SLC39A11: variants seen among roughly 807,000 people sequenced by gnomAD.
SLC39A11 encodes the protein zinc transporter ZIP11.
Under a neutral mutation model 36.1 loss-of-function variants are expected in SLC39A11, and 33 were observed. That is an observed-to-expected ratio of 0.91 (90% CI 0.69 to 1.22). The LOEUF (loss-of-function observed/expected upper bound fraction) is 1.22, where lower values mean the gene tolerates loss of function less well. Among genes scored for constraint, SLC39A11 ranks in the 50% most tolerant of loss-of-function variants. The pLI, the probability that SLC39A11 is intolerant of heterozygous loss-of-function variation, is 0.00. For synonymous variants in SLC39A11, 166 were observed against 170.3 expected, an observed-to-expected ratio of 0.97 and a Z score of 0.20; for missense variants, 432 against 430.3, an observed-to-expected ratio of 1.00 and a Z score of -0.03.
chr17:72,985,102 C>T (rs1302613742), intron 4 of SLC39A11, among the ~76,000 whole-genome samples: 3 of 152,212 alleles, frequency 2.0e-5, no homozygotes, highest in Non-Finnish European at 4.4e-5. Context: ...GCCACACCTC[C>T]CTAGGAATGT....
At chr17:72,852,423 T>C (rs1176353737) in intron 5 of SLC39A11, among the ~76,000 whole-genome samples, 1 of 152,200 alleles carries the variant, frequency 6.6e-6, no homozygotes, top group African/African-American at 2.4e-5. Context: ...AGGATGCCAG[T>C]CCTCCACTGG....
chr17:72,796,230 A>C (rs1382629230), intron 6 of SLC39A11, among the ~76,000 whole-genome samples: 1 of 152,128 alleles, frequency 6.6e-6, no homozygotes, highest in African/African-American at 2.4e-5. Flanking sequence ...CACACGAGAC[A>C]GAAGAGCCGG....
intron 4 of SLC39A11, among the ~76,000 whole-genome samples, chr17:72,962,167 A>G (rs1436651631): frequency 6.6e-6 from 1 of 152,156 alleles, no homozygotes; most frequent in Non-Finnish European, 1.5e-5. Context: ...TTCTAAGCCT[A>G]AATTCCAAAG....
intron 7 of SLC39A11, among the ~76,000 whole-genome samples, chr17:72,726,246 AG>A (rs1363629726): frequency 6.6e-6 from 1 of 152,174 alleles, no homozygotes; most frequent in Non-Finnish European, 1.5e-5. Flanking sequence ...GCTTGTTCAA[AG>A]ATGTTAGAGT....
At chr17:73,040,559 TG>T (rs1223141756) in intron 3 of SLC39A11, among the ~76,000 whole-genome samples, 1 of 152,226 alleles carries the variant, frequency 6.6e-6, no homozygotes, top group African/African-American at 2.4e-5. Context: ...AAATGTGTCA[TG>T]ATTATTTATG....
chr17:73,021,816 G>C (rs1218653216), intron 4 of SLC39A11, among the ~76,000 whole-genome samples: 2 of 152,196 alleles, frequency 1.3e-5, no homozygotes, highest in Admixed American at 1.3e-4. Context: ...CCACGGAGAA[G>C]GAAATCTAAG....
chr17:72,686,694 A>G (rs2071767873), intron 7 of SLC39A11, among the ~76,000 whole-genome samples: 1 of 152,240 alleles, frequency 6.6e-6, no homozygotes, highest in Non-Finnish European at 1.5e-5. Flanking sequence ...TGTGCTCCAC[A>G]GGCAGGAATC....
intron 5 of SLC39A11, among the ~76,000 whole-genome samples, chr17:72,926,095 G>A (rs970215200): frequency 4.6e-5 from 7 of 152,164 alleles, no homozygotes; most frequent in African/African-American, 1.7e-4. Flanking sequence ...CATCTTTCCT[G>A]GGAAGGAGAC....
At chr17:72,988,865 C>T (rs1006460987) in intron 4 of SLC39A11, among the ~76,000 whole-genome samples, 9 of 152,190 alleles carry the variant, frequency 5.9e-5, no homozygotes, top group African/African-American at 1.9e-4. Context: ...TGAGCCACCA[C>T]GCCCAGCTAA....
At chr17:72,729,694 A>G (rs936835172) in intron 7 of SLC39A11, among the ~76,000 whole-genome samples, 1 of 150,776 alleles carries the variant, frequency 6.6e-6, no homozygotes, top group African/African-American at 2.4e-5. Context: ...CTTGGCACCT[A>G]CCTTGGCATT....
At chr17:72,724,945 C>T (rs1471856395) in intron 7 of SLC39A11, among the ~76,000 whole-genome samples, 1 of 152,152 alleles carries the variant, frequency 6.6e-6, no homozygotes, top group African/African-American at 2.4e-5. Context: ...AAGATGAATC[C>T]TGTGCTCAGT....
At chr17:72,758,928 A>G (rs2144501687) in intron 6 of SLC39A11, among the ~76,000 whole-genome samples, 1 of 152,146 alleles carries the variant, frequency 6.6e-6, no homozygotes, top group South Asian at 2.1e-4. Flanking sequence ...ACATGGCAAA[A>G]CCCTGTCTCT....
intron 5 of SLC39A11, among the ~76,000 whole-genome samples, chr17:72,865,653 T>C (rs1463453321): frequency 6.6e-6 from 1 of 151,056 alleles, no homozygotes; most frequent in African/African-American, 2.4e-5. Flanking sequence ...AGAGAAGGAC[T>C]GACGTTAAAA....
intron 6 of SLC39A11, among the ~76,000 whole-genome samples, chr17:72,781,812 G>A (rs950235236): frequency 6.6e-6 from 1 of 150,948 alleles, no homozygotes; most frequent in Non-Finnish European, 1.5e-5. Flanking sequence ...GATGCAAGAC[G>A]CTTTAATTTT....
chr17:72,952,905 G>A (rs1189087248), intron 4 of SLC39A11, among the ~76,000 whole-genome samples: 4 of 152,180 alleles, frequency 2.6e-5, no homozygotes, highest in African/African-American at 9.7e-5. Context: ...AGTGCTTCAG[G>A]TAGGCCTCTG....
At chr17:72,879,960 C>T (rs78511368) in intron 5 of SLC39A11, among the ~76,000 whole-genome samples, 2 of 152,184 alleles carry the variant, frequency 1.3e-5, no homozygotes, top group Non-Finnish European at 2.9e-5. Context: ...ACATTTTACC[C>T]CATCATTTGT....
At chr17:72,752,046 G>A (rs967313477) in intron 6 of SLC39A11, among the ~76,000 whole-genome samples, 2 of 152,078 alleles carry the variant, frequency 1.3e-5, no homozygotes, top group South Asian at 2.1e-4. Flanking sequence ...TATCTGTGAT[G>A]CCCTCTTTCT....
chr17:72,825,385 T>C (rs557461603), intron 6 of SLC39A11, among the ~76,000 whole-genome samples: 4 of 152,268 alleles, frequency 2.6e-5, no homozygotes, highest in African/African-American at 9.6e-5. Context: ...TCAGAGGATG[T>C]ATGGAAATGC....
At chr17:73,015,893 T>A (rs895672408) in intron 4 of SLC39A11, among the ~76,000 whole-genome samples, 1 of 152,042 alleles carries the variant, frequency 6.6e-6, no homozygotes, top group African/African-American at 2.4e-5. Flanking sequence ...AGAAGGAGAT[T>A]AGAGCAAAAT....
Sources: gnomAD v4.1 joint callset for allele counts (sites outside exome capture counted in the v4.1 genomes callset) on GRCh38, gnomAD v4.1.1 for gene constraint, MANE v1.5 for transcripts, NCBI Gene and HGNC (gene_info 2026-07-23, HGNC 2026-07-21) for gene names.